Variants in DDHD1 observed in about 807,000 individuals in gnomAD.
DDHD1 encodes phospholipase DDHD1.
In DDHD1, 49 loss-of-function variants were observed where a neutral mutation model predicts 96.4. The observed-to-expected ratio is 0.51, with a 90% CI of 0.40 to 0.64. The LOEUF (loss-of-function observed/expected upper bound fraction) is 0.64. Ranked by LOEUF, DDHD1 falls within the 30% of genes least tolerant of loss-of-function variation. The pLI is 0.00. For synonymous variants in DDHD1, 442 were observed against 446.5 expected (o/e 0.99, Z 0.13); for missense variants, 1,106 against 1,161.2 (o/e 0.95, Z 0.69).
intron 6 of DDHD1, among the ~76,000 whole-genome samples, chr14:53,066,294 G>GGT (rs1884008005): frequency 1.3e-5 from 2 of 152,130 alleles, no homozygotes; most frequent in Non-Finnish European, 2.9e-5. Flanking sequence ...TGGGATTACA[G>GGT]GTGTGCACCA....
chr14:53,125,711 TTTTTTTTTGAGATGGAA>T (rs1450648381), intron 1 of DDHD1, among the ~76,000 whole-genome samples: 1 of 151,856 alleles, frequency 6.6e-6, no homozygotes, highest in African/African-American at 2.4e-5. Flanking sequence ...GATTTTTTTT[TTTTTTTTTGAGATGGAA>T]TCTCGCCCTG....
chr14:53,061,206 G>A lies in DDHD1; in HGVS notation c.1767-5C>T, dbSNP rs1237830602. On this transcript the variant is annotated splice_polypyrimidine_tract_variant and splice_region_variant and intron_variant, in intron 7 of 12. Coordinates refer to ENST00000673822, the MANE Select transcript of DDHD1 (RefSeq NM_001160148.2). ...CGTTCTTCTATTTCCTTCAGCCTAAGAAGGGGTATGAGATTATATACACAC... is the reference window on the plus strand; with the variant it reads ...CGTTCTTCTATTTCCTTCAGCCTAAAAAGGGGTATGAGATTATATACACAC... The A allele has an allele frequency of 1.2e-6, 2 of 1,608,504 alleles. No homozygotes were observed. The highest frequency in any genetic ancestry group is 1.7e-4 in the Middle Eastern group (1 of 6,042).
intron 1 of DDHD1, 149 bp downstream of exon 1, chr14:53,152,112 C>T: frequency 1.2e-6 from 1 of 835,496 alleles, no homozygotes; most frequent in Non-Finnish European, 1.8e-6. Flanking sequence ...CAGCTGCCGA[C>T]GCTCCCTGCT....
intron 4 of DDHD1, among the ~76,000 whole-genome samples, chr14:53,089,970 C>T (rs907000141): frequency 6.6e-6 from 1 of 152,154 alleles, no homozygotes; most frequent in Admixed American, 6.5e-5. Flanking sequence ...TTGCTATCTA[C>T]CCATTTAAAC....
chr14:53,064,572 TTATC>T (rs1369382408), intron 6 of DDHD1, among the ~76,000 whole-genome samples: 1 of 152,108 alleles, frequency 6.6e-6, no homozygotes, highest in Non-Finnish European at 1.5e-5. Flanking sequence ...CAAGATCAAA[TTATC>T]TAAGGCAGAG....
At chr14:53,144,679 T>C (rs1026015518) in intron 1 of DDHD1, among the ~76,000 whole-genome samples, 1 of 152,210 alleles carries the variant, frequency 6.6e-6, no homozygotes, top group African/African-American at 2.4e-5. Flanking sequence ...CTGGGCCTAG[T>C]TAGAAGCAAT....
At chr14:53,133,745 C>T (rs1303065066) in intron 1 of DDHD1, among the ~76,000 whole-genome samples, 1 of 152,162 alleles carries the variant, frequency 6.6e-6, no homozygotes, top group Non-Finnish European at 1.5e-5. Context: ...TTCCAGTCCT[C>T]CAGCAAGCTA....
chr14:53,089,403 G>A (rs573333442), intron 4 of DDHD1, among the ~76,000 whole-genome samples: 1 of 152,246 alleles, frequency 6.6e-6, no homozygotes, highest in East Asian at 1.9e-4. Flanking sequence ...CATGCTAACT[G>A]ACTTCAAACT....
At chr14:53,094,610 C>A (rs147484662) in intron 2 of DDHD1, among the ~76,000 whole-genome samples, 1 of 151,834 alleles carries the variant, frequency 6.6e-6, no homozygotes, top group East Asian at 1.9e-4. Context: ...GAGGCTGAGG[C>A]AGGAGGATCA....
intron 1 of DDHD1, among the ~76,000 whole-genome samples, chr14:53,131,583 C>CT (rs879257347): frequency 1.1e-4 from 16 of 152,066 alleles, no homozygotes; most frequent in Admixed American, 6.6e-4. Flanking sequence ...TCATCCCAGC[C>CT]TTTTTTTGCT....
chr14:53,130,935 G>T (rs1889819891), intron 1 of DDHD1, among the ~76,000 whole-genome samples: 1 of 152,166 alleles, frequency 6.6e-6, no homozygotes, highest in Non-Finnish European at 1.5e-5. Context: ...TCTTACAGTG[G>T]AGGGTAAGTT....
chr14:53,123,914 A>G (rs888301298), intron 1 of DDHD1, among the ~76,000 whole-genome samples: 11 of 152,180 alleles, frequency 7.2e-5, no homozygotes, highest in Non-Finnish European at 1.2e-4. Flanking sequence ...TAATAAGCTG[A>G]CAATACTCAG....
Position 53,152,967 on chromosome 14 carries a change from C to T in DDHD1, c.132G>A (p.Leu44=). 1 of 1,583,146 alleles carries T rather than the reference C, an allele frequency of 6.3e-7. No homozygotes were observed. Among genetic ancestry groups the T allele is most frequent in the African/African-American group, 1.4e-5 (1 of 73,866 alleles). Residue 44 remains leucine, a synonymous_variant, in exon 1 of 13, where the codon CTG becomes CTA. Transcript: ENST00000673822. ...CGCCGTCGTCCGGGTCCCCGCCGGG[C>T]AGGTGCTCGAAGCAGCAGACGCCGC... ...FGGGVCCFEH[L]PGGDPDDGDV...
rs1163108075 is a variant in DDHD1 at position 53,045,386 on chromosome 14, T to C, written c.*1382A>G. On this transcript the variant is annotated 3_prime_UTR_variant, in exon 13 of 13. Coordinates refer to ENST00000673822, the MANE Select transcript of DDHD1 (RefSeq NM_001160148.2). ...ACAGGTGTACACCACTACAAGTGGC[T>C]AATTTTTGTCAGTTTTTGCAGAGAA... 6.6e-6 allele frequency: 1 copy of C among 152,152 alleles called. No homozygotes were observed. Among genetic ancestry groups the C allele is most frequent in the African/African-American group, 2.4e-5 (1 of 41,438 alleles). 9.4% of individuals were successfully genotyped at this position (152,152 alleles called of 1,614,324 possible).
intron 1 of DDHD1, among the ~76,000 whole-genome samples, chr14:53,145,639 T>C (rs1890928859): frequency 1.3e-5 from 2 of 151,700 alleles, no homozygotes; most frequent in Admixed American, 1.3e-4. Flanking sequence ...CAATTAGTAA[T>C]ATCAGAGAGA....
chr14:53,102,897 T>C lies in DDHD1; in HGVS notation c.1012+786A>G, dbSNP rs150744770. ...GGGAAGGGAAAAAATCAATTAATAT[T>C]TTAATTCATTAGATTCAGTAGAGCT... is the stretch of plus-strand genomic sequence containing the variant. On this transcript the variant is annotated intron_variant, in intron 2 of 12. Coordinates refer to ENST00000673822, the MANE Select transcript of DDHD1 (RefSeq NM_001160148.2). The C allele has an allele frequency of 2.8e-4, 233 of 834,766 alleles. 5 individuals are homozygous for C. The African/African-American group carries it at 3.6e-3, about 13-fold the overall frequency. 51.7% of individuals were successfully genotyped at this position (834,766 alleles called of 1,614,324 possible).
chr14:53,139,762 C>T lies in DDHD1; in HGVS notation c.838+12499G>A, dbSNP rs137887571. Among the ~76,000 whole-genome samples, 184 of 151,080 alleles carry T rather than the reference C, an allele frequency of 1.2e-3. 1 individual carries two copies. Among genetic ancestry groups the T allele is most frequent in the African/African-American group, 4.3e-3 (178 of 41,082 alleles). ...TTCTAGGCATAAATACTCTACTGCC[C>T]ACCACAAGATGTCCAACTTTAAATT... is the stretch of plus-strand genomic sequence containing the variant. On this transcript the variant is annotated intron_variant, in intron 1 of 12. Coordinates refer to ENST00000673822, the MANE Select transcript of DDHD1 (RefSeq NM_001160148.2).
chr14:53,120,674 C>T (rs1188959839), intron 1 of DDHD1, among the ~76,000 whole-genome samples: 1 of 152,134 alleles, frequency 6.6e-6, no homozygotes, highest in East Asian at 1.9e-4. Context: ...CTTTGACAAA[C>T]CTGACTATAA....
chr14:53,152,113 G>GAGTTATGGAGTGTAGAT, intron 1 of DDHD1, 148 bp downstream of exon 1: 6 of 833,732 alleles, frequency 7.2e-6, no homozygotes, highest in Middle Eastern at 3.2e-4. Flanking sequence ...AGCTGCCGAC[G>GAGTTATGGAGTGTAGAT]CTCCCTGCTC....
Sources: gnomAD v4.1 joint callset for allele counts (sites outside exome capture counted in the v4.1 genomes callset) on GRCh38, gnomAD v4.1.1 for gene constraint, MANE v1.5 for transcripts, NCBI Gene and HGNC (gene_info 2026-07-23, HGNC 2026-07-21) for gene names.